Variants in TOP1 observed in about 807,000 individuals in gnomAD.
TOP1 encodes the protein DNA topoisomerase I, also known as DNA topoisomerase 1.
TOP1 carries 10 observed loss-of-function variants against 111.1 expected under a neutral mutation model. That is an observed-to-expected ratio of 0.09 (90% CI 0.06 to 0.15). TOP1 has a LOEUF of 0.15. Ranked by LOEUF, TOP1 falls within the 10% of genes least tolerant of loss-of-function variation. The pLI is 1.00. For synonymous variants in TOP1, 271 were observed against 302.9 expected, an observed-to-expected ratio of 0.89 and a Z score of 1.10; for missense variants, 474 against 926.7, an observed-to-expected ratio of 0.51 and a Z score of 6.34.
At chr20:41,076,906 T>C (rs6072263) in intron 4 of TOP1, among the ~76,000 whole-genome samples, 87,953 of 152,012 alleles carry the variant, frequency 0.58, 26,805 homozygotes, top group East Asian at 0.82. Flanking sequence ...TGTTTTGTAT[T>C]CTTCCATAGA....
chr20:41,066,194 C>CATA (rs1021082554), intron 3 of TOP1, among the ~76,000 whole-genome samples: 1 of 151,428 alleles, frequency 6.6e-6, no homozygotes, highest in Admixed American at 6.6e-5. Flanking sequence ...GTAAAAGTGA[C>CATA]ATAAAGGGCT....
chr20:41,087,033 T>C (rs1490115859), intron 8 of TOP1, among the ~76,000 whole-genome samples: 2 of 152,230 alleles, frequency 1.3e-5, no homozygotes, highest in African/African-American at 4.8e-5. Flanking sequence ...CCTTATGCTA[T>C]CCTACTAAAA....
chr20:41,093,045 A>G (rs955990706), intron 9 of TOP1, among the ~76,000 whole-genome samples: 3 of 152,244 alleles, frequency 2.0e-5, no homozygotes. Context: ...ATCTCTAGAT[A>G]GGGCTGGTAG....
rs1319597686 is a variant in TOP1, at chr20:41,122,138, T to A, written c.2178T>A (p.Pro726=). 4 of 1,613,974 alleles carry A rather than the reference T, an allele frequency of 2.5e-6. No individual in the cohort carries two copies. In the African/African-American group the frequency reaches 4.0e-5, roughly 16 times the overall value. ...CCTCCAAACTCAATTATCTGGACCC[T>A]AGGATCACAGTGGCTTGGTAAGTGT... ...LGTSKLNYLD[P]RITVAWCKKW... is the part of the protein sequence containing the mutation. Residue 726 remains proline (P), a synonymous_variant, in exon 20 of 21, where the codon CCT becomes CCA. Transcript: ENST00000361337. This position sits in a 1 kb window ranked among gnomAD's most constrained non-coding sequence, Gnocchi z 5.4.
rs1568667222 is a variant in TOP1, at chr20:41,030,371, G to GA, written c.58+923dup. Among the ~76,000 whole-genome samples, 1 of 151,628 alleles carries GA rather than the reference G, an allele frequency of 6.6e-6. No individual in the cohort carries two copies. The highest frequency in any genetic ancestry group is 6.6e-5 in the Admixed American group (1 of 15,258). ...GCCTTTTCGTTTGGGTTGTAAGGAG[G>GA]AAAAAAAGATTTTATTTATTGAAGC... On this transcript the variant is annotated intron_variant, in intron 2 of 20. Coordinates refer to ENST00000361337, the MANE Select transcript of TOP1 (RefSeq NM_003286.4). The surrounding 1 kb of genome is among the most constrained non-coding windows in gnomAD (Gnocchi z 4.1).
intron 13 of TOP1, among the ~76,000 whole-genome samples, chr20:41,105,488 T>A (rs989616756): frequency 6.6e-6 from 1 of 152,162 alleles, no homozygotes; most frequent in Non-Finnish European, 1.5e-5. Context: ...ACTTATCTAT[T>A]CTGTTGGTTT....
chr20:41,029,411 C>G lies in TOP1; in HGVS notation c.34-20C>G. The G allele has an allele frequency of 6.8e-7, 1 of 1,470,590 alleles. No individual in the cohort carries two copies. The highest frequency in any genetic ancestry group is 9.0e-7 in the Non-Finnish European group (1 of 1,107,550). 91.1% of individuals were successfully genotyped at this position (1,470,590 alleles called of 1,614,324 possible). On this transcript the variant is annotated intron_variant, in intron 1 of 20. Coordinates refer to ENST00000361337, the MANE Select transcript of TOP1 (RefSeq NM_003286.4). This position sits in a 1 kb window ranked among gnomAD's most constrained non-coding sequence, Gnocchi z 6.1. ...GTTAAAGTGGCTGTTGTTTGATATT[C>G]TCTCCTTTTCTTTTTCCAGATCGAA...
Position 41,034,444 on chromosome 20 carries a change from G to A in TOP1, c.58+4989G>A, listed in dbSNP as rs2033159798. Among the ~76,000 whole-genome samples the A allele has an allele frequency of 6.6e-6, 1 of 152,114 alleles. No homozygotes were observed. The highest frequency in any genetic ancestry group is 2.4e-5 in the African/African-American group (1 of 41,410). On this transcript the variant is annotated intron_variant, in intron 2 of 20. Transcript: ENST00000361337. This position sits in a 1 kb window ranked among gnomAD's most constrained non-coding sequence, Gnocchi z 4.0. Reference sequence around the variant, plus strand: ...CCCTGCCACCTGCCTATCTAGATGTGGACAGTATGTGCTGTGTTGATAGCA... The same window carrying A: ...CCCTGCCACCTGCCTATCTAGATGTAGACAGTATGTGCTGTGTTGATAGCA...
intron 4 of TOP1, among the ~76,000 whole-genome samples, chr20:41,076,590 G>A (rs1443171851): frequency 6.6e-6 from 1 of 152,154 alleles, no homozygotes; most frequent in East Asian, 1.9e-4. Context: ...CTAATGCCTT[G>A]ATGGTCTTCT....
chr20:41,050,244 C>G (rs1320471412), intron 2 of TOP1, among the ~76,000 whole-genome samples: 3 of 152,202 alleles, frequency 2.0e-5, no homozygotes, highest in Non-Finnish European at 2.9e-5. Flanking sequence ...TCTTGAACTC[C>G]TGAACTCAGG....
chr20:41,080,729 A>G lies in TOP1; in HGVS notation c.432-436A>G, dbSNP rs1273297196. Reference sequence around the variant, plus strand: ...ATGGAAAGGGAGAAGGGAAATACTTAGTGAACTCATTTGTATTCATTCAAT... The same window carrying G: ...ATGGAAAGGGAGAAGGGAAATACTTGGTGAACTCATTTGTATTCATTCAAT... On this transcript the variant is annotated intron_variant, in intron 6 of 20. Coordinates refer to ENST00000361337, the MANE Select transcript of TOP1 (RefSeq NM_003286.4). The surrounding 1 kb of genome is among the most constrained non-coding windows in gnomAD (Gnocchi z 5.0). Among the ~76,000 whole-genome samples, 2 of 152,234 alleles carry G rather than the reference A, an allele frequency of 1.3e-5. No homozygotes were observed. The highest frequency in any genetic ancestry group is 1.9e-4 in the East Asian group (1 of 5,204).
At chr20:41,117,674 C>G (rs796821486) in intron 17 of TOP1, among the ~76,000 whole-genome samples, 48 of 152,044 alleles carry the variant, frequency 3.2e-4, no homozygotes, top group African/African-American at 1.1e-3. Context: ...TGTGAGCCAC[C>G]GCGCCCGGCC....
chr20:41,101,191 G>C lies in TOP1; in HGVS notation c.1164-18G>C. Reference sequence around the variant, plus strand: ...CCTCACATCTTATTTCACTATCCTCGTGCTCTGTTATTTCCAGAGATGCCA... The same window carrying C: ...CCTCACATCTTATTTCACTATCCTCCTGCTCTGTTATTTCCAGAGATGCCA... On this transcript the variant is annotated intron_variant, in intron 12 of 20. Transcript: ENST00000361337. The surrounding 1 kb of genome is among the most constrained non-coding windows in gnomAD (Gnocchi z 4.1). The C allele has an allele frequency of 1.2e-6, 2 of 1,613,360 alleles. No homozygotes were observed. Among genetic ancestry groups the C allele is most frequent in the Non-Finnish European group, 1.7e-6 (2 of 1,179,376 alleles).
intron 18 of TOP1, among the ~76,000 whole-genome samples, chr20:41,119,802 T>TA (rs747462112): frequency 6.6e-6 from 1 of 152,250 alleles, no homozygotes; most frequent in Non-Finnish European, 1.5e-5. Context: ...AAGAACTCTA[T>TA]AGACGGCCCA....
rs532948716 is a variant in TOP1 at position 41,091,552 on chromosome 20, C to CTTTTT, written c.615-902_615-898dup. ...ATAGGAAATGTAGCAAATTATTAAC[C>CTTTTT]TTTTTTTTTTTTTTTTTTTTTTGAG... On this transcript the variant is annotated intron_variant, in intron 8 of 20. Coordinates refer to ENST00000361337, the MANE Select transcript of TOP1 (RefSeq NM_003286.4). 3.0e-3 allele frequency among the ~76,000 whole-genome samples: 289 copies of CTTTTT among 96,192 alleles called. 6 individuals carry two copies. Among genetic ancestry groups the CTTTTT allele is most frequent in the East Asian group, 0.02 (55 of 2,694 alleles). The allele number at this position is 96,192 out of a possible 152,430, so 63.1% of individuals were successfully genotyped here. A position where few individuals can be genotyped will look rare whatever the true frequency, so the allele number is the denominator to read the frequency against.
At chr20:41,065,959 G>A (rs900324471) in intron 3 of TOP1, among the ~76,000 whole-genome samples, 89 of 151,728 alleles carry the variant, frequency 5.9e-4, no homozygotes, top group African/African-American at 2.0e-3. Flanking sequence ...TAATTGATGT[G>A]GTGTGAAAAA....
At chr20:41,068,365 A>G (rs1021201965) in intron 3 of TOP1, among the ~76,000 whole-genome samples, 4 of 152,168 alleles carry the variant, frequency 2.6e-5, no homozygotes, top group South Asian at 2.1e-4. Flanking sequence ...TTATCTCTTG[A>G]CACTGCTTCT....
intron 13 of TOP1, among the ~76,000 whole-genome samples, chr20:41,107,530 CTT>C (rs2034165866): frequency 6.6e-6 from 1 of 152,126 alleles, no homozygotes; most frequent in African/African-American, 2.4e-5. Context: ...TCAATTACCA[CTT>C]TTTGTTTTCA....
chr20:41,107,049 T>C (rs1248151227), intron 13 of TOP1, among the ~76,000 whole-genome samples: 2 of 152,184 alleles, frequency 1.3e-5, no homozygotes, highest in African/African-American at 4.8e-5. Context: ...AATACACCCT[T>C]TAATGTTTCT....
Sources: gnomAD v4.1 joint callset for allele counts (sites outside exome capture counted in the v4.1 genomes callset) on GRCh38, gnomAD v4.1.1 for gene constraint, Gnocchi (gnomAD v3.1) non-coding constraint, MANE v1.5 for transcripts, NCBI Gene and HGNC (gene_info 2026-07-23, HGNC 2026-07-21) for gene names.